Variants in VIPAS39 observed in about 807,000 individuals in gnomAD.
The protein encoded by VIPAS39 is VPS33B interacting protein, apical-basolateral polarity regulator, spe-39 homolog, also known as spermatogenesis-defective protein 39 homolog.
A neutral mutation model predicts 84.7 loss-of-function variants in VIPAS39; 63 were observed. That is an observed-to-expected ratio of 0.74 (90% CI 0.61 to 0.92). The LOEUF is 0.92. Among genes scored for constraint, VIPAS39 ranks in the 40% least tolerant of loss-of-function variants. The pLI, the probability that VIPAS39 is intolerant of heterozygous loss-of-function variation, is 0.00. For synonymous variants in VIPAS39, 192 were observed against 216.5 expected, an observed-to-expected ratio of 0.89 and a Z score of 0.99; for missense variants, 499 against 604.5, an observed-to-expected ratio of 0.83 and a Z score of 1.83.
Position 77,435,380 on chromosome 14 carries a change from T to C in VIPAS39, c.926A>G (p.His309Arg), listed in dbSNP as rs777123568. 6.3e-6 allele frequency: 10 copies of C among 1,596,634 alleles called. No homozygotes were observed. Among genetic ancestry groups the C allele is most frequent in the Non-Finnish European group, 8.5e-6 (10 of 1,174,098 alleles). ...CTCAGTCTGTCCTGCTGATTCTAGA[T>C]GGCGATCATTTGCCTGTGGTGGAGT... ...RQIIIEANDRHLESAGQTEIF... is the reference protein window; with the variant it reads ...RQIIIEANDRRLESAGQTEIF... Residue 309 changes from histidine to arginine, a missense_variant, in exon 14 of 20, where the codon CAT (histidine) becomes CGT (arginine). Transcript: ENST00000557658.
At chr14:77,449,396 G>C (rs749704783) in intron 5 of VIPAS39, 39 bp from the exon 6 acceptor site, 1 of 1,609,402 alleles carries the variant, frequency 6.2e-7, no homozygotes, top group Non-Finnish European at 8.5e-7. Flanking sequence ...AGGGCACCAT[G>C]AATCCTGCTT....
chr14:77,453,542 A>G, intron 2 of VIPAS39, 141 bp from the exon 3 acceptor site: 2 of 818,190 alleles, frequency 2.4e-6, no homozygotes, highest in Non-Finnish European at 4.3e-6. Flanking sequence ...CATACTACAT[A>G]TTTGCCAAGA....
intron 1 of VIPAS39, among the ~76,000 whole-genome samples, chr14:77,455,362 G>A (rs575231887): frequency 9.9e-5 from 15 of 152,268 alleles, no homozygotes; most frequent in Non-Finnish European, 1.3e-4. Context: ...ACATGGTGAC[G>A]TAGTCCCAGC....
chr14:77,435,717 C>A (rs879173254), intron 13 of VIPAS39, 127 bp downstream of exon 13: 192 of 1,091,794 alleles, frequency 1.8e-4, no homozygotes, highest in Admixed American at 6.1e-4. Flanking sequence ...TGTGTACAGG[C>A]AGAAAATGAA....
intron 16 of VIPAS39, 92 bp from the exon 17 acceptor site, chr14:77,429,859 G>A (rs554131484): frequency 8.8e-7 from 1 of 1,139,918 alleles, no homozygotes; most frequent in South Asian, 1.2e-5. Flanking sequence ...CCAGAATAAT[G>A]TGGTGGGTGA....
chr14:77,455,423 T>G (rs2078946527), intron 1 of VIPAS39, among the ~76,000 whole-genome samples: 1 of 152,178 alleles, frequency 6.6e-6, no homozygotes, highest in Non-Finnish European at 1.5e-5. Context: ...ACGTCGAGGC[T>G]GCTATGAGCT....
chr14:77,443,353 G>A (rs1176001800), intron 8 of VIPAS39, among the ~76,000 whole-genome samples: 1 of 152,178 alleles, frequency 6.6e-6, no homozygotes, highest in African/African-American at 2.4e-5. Flanking sequence ...ATGCTGCTGA[G>A]AGACACCTCC....
rs995867881 is a variant in VIPAS39 at position 77,448,077 on chromosome 14, C to G, written c.504+417G>C. Among the ~76,000 whole-genome samples the G allele has an allele frequency of 3.3e-5, 5 of 151,978 alleles. No homozygotes were observed. The East Asian group carries it at 9.7e-4, about 29-fold the overall frequency. The stretch of plus-strand genomic sequence containing the variant: ...TCAAGTGATTCTCCTGCCTCAGCCT[C>G]CCGAGTAGCTGGGACTACAGGTGCC... On this transcript the variant is annotated intron_variant, in intron 7 of 19. Transcript: ENST00000557658.
intron 13 of VIPAS39, 39 bp from the exon 14 acceptor site, chr14:77,435,432 ATGTCC>A: frequency 6.3e-7 from 1 of 1,588,718 alleles, no homozygotes; most frequent in Non-Finnish European, 8.6e-7. Context: ...AAAAAAAACA[ATGTCC>A]ATGGAGTAGA....
At chr14:77,431,250 G>T (rs1055401949) in intron 16 of VIPAS39, among the ~76,000 whole-genome samples, 1 of 152,198 alleles carries the variant, frequency 6.6e-6, no homozygotes, top group African/African-American at 2.4e-5. Context: ...GCAGCCTATG[G>T]ATTAGAATAT....
At position 77,427,653 on chromosome 14, in the gene VIPAS39, C is replaced by A; in HGVS notation, c.1462-17G>T. ...TCGAATTTGCTGTGGAAAGAGGAAA[C>A]AATGAAAGTGTGTGATCAGTTTTCA... is the stretch of plus-strand genomic sequence containing the variant. On this transcript the variant is annotated splice_polypyrimidine_tract_variant and intron_variant, in intron 19 of 19. Transcript: ENST00000557658. 6.2e-7 allele frequency: 1 copy of A among 1,614,106 alleles called. No homozygotes were observed. The highest frequency in any genetic ancestry group is 8.5e-7 in the Non-Finnish European group (1 of 1,180,018).
rs150445170 is a variant in VIPAS39, at chr14:77,444,658, C to T, written c.505-317G>A. On this transcript the variant is annotated intron_variant, in intron 7 of 19. Coordinates refer to ENST00000557658, the MANE Select transcript of VIPAS39 (RefSeq NM_001193315.2). ...CTCAATCTCGGCTCACTGCAAGCTC[C>T]GCCTCCCAGGTTCACACCATTCTCC... Among the ~76,000 whole-genome samples the T allele has an allele frequency of 8.2e-3, 1,239 of 151,956 alleles. 19 individuals carry two copies. The highest frequency in any genetic ancestry group is 0.028 in the African/African-American group (1,157 of 41,426).
rs375310819 is a variant in VIPAS39 at position 77,433,795 on chromosome 14, C to G, written c.1179+47G>C. ...AACTAGAACTTATAACATGATAGAACCCTTCTGTCTCCCAAGGCCTCAGCA... is the reference window on the plus strand; with the variant it reads ...AACTAGAACTTATAACATGATAGAAGCCTTCTGTCTCCCAAGGCCTCAGCA... On this transcript the variant is annotated intron_variant, in intron 16 of 19. Coordinates refer to ENST00000557658, the MANE Select transcript of VIPAS39 (RefSeq NM_001193315.2). 4.4e-6 allele frequency: 7 copies of G among 1,584,214 alleles called. No individual in the cohort carries two copies. In the African/African-American group the frequency reaches 8.1e-5, roughly 18 times the overall value.
chr14:77,446,868 G>A (rs1293195465), intron 7 of VIPAS39, among the ~76,000 whole-genome samples: 1 of 152,006 alleles, frequency 6.6e-6, no homozygotes, highest in Non-Finnish European at 1.5e-5. Flanking sequence ...CTGGAATGGA[G>A]TGGCACAATC....
At chr14:77,441,956 A>C (rs1295065931) in intron 10 of VIPAS39, among the ~76,000 whole-genome samples, 1 of 152,198 alleles carries the variant, frequency 6.6e-6, no homozygotes, top group African/African-American at 2.4e-5. Flanking sequence ...CCCAGCAGAC[A>C]TGCCTACCTC....
chr14:77,429,203 T>C (rs1322738616), intron 17 of VIPAS39, 108 bp from the exon 18 acceptor site: 3 of 930,894 alleles, frequency 3.2e-6, no homozygotes, highest in South Asian at 2.7e-5. Flanking sequence ...CAATAGCTAA[T>C]GTTTCCAGTT....
chr14:77,449,286 A>G lies in VIPAS39; in HGVS notation c.447+7T>C, dbSNP rs761042451. On this transcript the variant is annotated splice_region_variant and intron_variant, in intron 6 of 19. Transcript: ENST00000557658. ...AAAGTGTCACACCAGTGTATGCTGT[A>G]ACTCACCCTATACTCCCCTTTGGGT... 1 of 1,613,798 alleles carries G rather than the reference A, an allele frequency of 6.2e-7. No homozygotes were observed. The highest frequency in any genetic ancestry group is 8.5e-7 in the Non-Finnish European group (1 of 1,179,650).
rs1465778406 is a variant in VIPAS39, at chr14:77,435,979, TA to T, written c.837-61del. 1.9e-6 allele frequency: 3 copies of T among 1,564,892 alleles called. No homozygotes were observed. The African/African-American group carries it at 4.1e-5, about 21-fold the overall frequency. The stretch of plus-strand genomic sequence containing the variant: ...ATTCAAACAAGGAAACAAACCCAAC[TA>T]AACCAAATCGCCAGCATAAGTATAA... On this transcript the variant is annotated intron_variant, in intron 12 of 19. Coordinates refer to ENST00000557658, the MANE Select transcript of VIPAS39 (RefSeq NM_001193315.2).
Sources: gnomAD v4.1 joint callset for allele counts (sites outside exome capture counted in the v4.1 genomes callset) on GRCh38, gnomAD v4.1.1 for gene constraint, MANE v1.5 for transcripts, NCBI Gene and HGNC (gene_info 2026-07-23, HGNC 2026-07-21) for gene names.